Variants in LAMC1 observed in about 807,000 individuals in gnomAD.
LAMC1 encodes the protein laminin subunit gamma-1.
In LAMC1, 38 loss-of-function variants were observed where a neutral mutation model predicts 173.6. The observed-to-expected ratio is 0.22, with a 90% CI of 0.17 to 0.29. The LOEUF (loss-of-function observed/expected upper bound fraction) is 0.29. Ranked by LOEUF, LAMC1 falls within the 10% of genes least tolerant of loss-of-function variation. The probability of loss-of-function intolerance (pLI) is 1.00; values close to 1 mark genes in which losing one functional copy is unlikely to be tolerated. For missense variants in LAMC1, 1,824 were observed against 2,051.8 expected (o/e 0.89, Z 2.14); for synonymous variants, 746 against 749.1 (o/e 1.00, Z 0.07).
intron 1 of LAMC1, among the ~76,000 whole-genome samples, chr1:183,063,227 C>T (rs1048455973): frequency 1.3e-5 from 2 of 152,154 alleles, no homozygotes; most frequent in African/African-American, 4.8e-5. Flanking sequence ...TCTAAATGAA[C>T]ACTTTTCTGC....
intron 1 of LAMC1, among the ~76,000 whole-genome samples, chr1:183,031,848 A>G (rs1001683714): frequency 5.9e-5 from 9 of 152,160 alleles, no homozygotes; most frequent in African/African-American, 1.7e-4. Flanking sequence ...GTTGCTTGCT[A>G]TAAGACTTGT....
chr1:183,115,619 T>G lies in LAMC1; in HGVS notation c.1310T>G (p.Leu437Arg), dbSNP rs1157291929. 3.7e-6 allele frequency: 6 copies of G among 1,612,588 alleles called. No individual in the cohort carries two copies. The highest frequency in any genetic ancestry group is 5.1e-6 in the Non-Finnish European group (6 of 1,178,580). ...CGTTGCCAGCCTGGATTCCATTCTC[T>G]CACTGAAGCAGGATGCAGGTAAAAT... ...CDRCQPGFHS[L>R]TEAGCRPCSC... The change falls in exon 6 of 28, where the codon CTC (leucine) becomes CGC (arginine). Residue 437 changes from leucine to arginine, a missense_variant. Coordinates refer to ENST00000258341, the MANE Select transcript of LAMC1 (RefSeq NM_002293.4).
chr1:183,076,884 CTT>C (rs1035219005), intron 1 of LAMC1, among the ~76,000 whole-genome samples: 4 of 152,226 alleles, frequency 2.6e-5, no homozygotes, highest in African/African-American at 9.6e-5. Flanking sequence ...TGTGTCTCCC[CTT>C]ACCATCTAAT....
Position 183,036,619 on chromosome 1 carries a change from G to A in LAMC1, c.418+12485G>A, listed in dbSNP as rs1437565926. On this transcript the variant is annotated intron_variant, in intron 1 of 27. Transcript: ENST00000258341. Reference sequence around the variant, plus strand: ...GAGTTCACCATGTTGGCCAGGCTCCGACCTCAAGTGATCCGCCCGCCTCGG... The same window carrying A: ...GAGTTCACCATGTTGGCCAGGCTCCAACCTCAAGTGATCCGCCCGCCTCGG... Among the ~76,000 whole-genome samples, 2 of 151,090 alleles carry A rather than the reference G, an allele frequency of 1.3e-5. 1 individual carries two copies. Among genetic ancestry groups the A allele is most frequent in the Non-Finnish European group, 3.0e-5 (2 of 67,768 alleles).
chr1:183,079,242 T>G (rs1486818017), intron 1 of LAMC1, among the ~76,000 whole-genome samples: 46 of 50,410 alleles, frequency 9.1e-4, no homozygotes, highest in Non-Finnish European at 1.2e-3. Flanking sequence ...GTTTTTTTTT[T>G]TTTTTTTTTT....
chr1:183,086,381 G>A (rs760458148), intron 1 of LAMC1, among the ~76,000 whole-genome samples: 13 of 152,202 alleles, frequency 8.5e-5, no homozygotes, highest in Admixed American at 1.3e-4. Context: ...AATTTTCAAA[G>A]GTATTCAGAC....
chr1:183,078,820 G>A (rs1354059196), intron 1 of LAMC1, among the ~76,000 whole-genome samples: 1 of 152,084 alleles, frequency 6.6e-6, no homozygotes, highest in African/African-American at 2.4e-5. Flanking sequence ...AGACCAGCCT[G>A]ACCAACATGG....
intron 1 of LAMC1, among the ~76,000 whole-genome samples, chr1:183,068,335 A>G (rs528189589): frequency 6.6e-6 from 1 of 152,312 alleles, no homozygotes; most frequent in Admixed American, 6.5e-5. Flanking sequence ...TGCATAGGAT[A>G]TTACAGTCTA....
At chr1:183,103,778 C>CA in intron 2 of LAMC1, 146 bp downstream of exon 2, 4 of 577,116 alleles carry the variant, frequency 6.9e-6, no homozygotes, top group Non-Finnish European at 8.6e-6. Context: ...GAGCTTGATT[C>CA]TGCTCTCTGT....
At chr1:183,074,048 T>C (rs950079402) in intron 1 of LAMC1, among the ~76,000 whole-genome samples, 1 of 152,216 alleles carries the variant, frequency 6.6e-6, no homozygotes, top group African/African-American at 2.4e-5. Flanking sequence ...CTTATCTGAT[T>C]TGGTATCAAA....
chr1:183,126,080 T>A (rs1300362850), intron 15 of LAMC1, 40 bp from the exon 16 acceptor site: 1 of 1,585,488 alleles, frequency 6.3e-7, no homozygotes, highest in African/African-American at 1.4e-5. Flanking sequence ...GCTTAAAGTC[T>A]GTTTTTCTTG....
At chr1:183,029,060 C>G (rs1354727899) in intron 1 of LAMC1, among the ~76,000 whole-genome samples, 1 of 152,194 alleles carries the variant, frequency 6.6e-6, no homozygotes, top group Non-Finnish European at 1.5e-5. Flanking sequence ...TTGCCCACGT[C>G]TCTCCTGAAA....
intron 11 of LAMC1, among the ~76,000 whole-genome samples, 189 bp from the exon 12 acceptor site, chr1:183,121,534 A>G (rs1369490229): frequency 6.6e-6 from 1 of 152,226 alleles, no homozygotes; most frequent in Admixed American, 6.5e-5. Flanking sequence ...ATTGTTCTAA[A>G]TGCTGTTTTC....
intron 11 of LAMC1, 33 bp from the exon 12 acceptor site, chr1:183,121,690 G>C (rs763869189): frequency 6.4e-7 from 1 of 1,572,886 alleles, no homozygotes; most frequent in Non-Finnish European, 8.7e-7. Flanking sequence ...AAACAAGCCA[G>C]TTCAGTGATT....
intron 1 of LAMC1, among the ~76,000 whole-genome samples, chr1:183,069,198 C>G (rs1441391305): frequency 6.6e-6 from 1 of 152,136 alleles, no homozygotes; most frequent in Non-Finnish European, 1.5e-5. Context: ...ATTTATATGG[C>G]ATATAAGCAT....
At position 183,142,956 on chromosome 1, in the gene LAMC1, T is replaced by A; in HGVS notation, c.*166T>A. On this transcript the variant is annotated 3_prime_UTR_variant, in exon 28 of 28. Transcript: ENST00000258341. ...TCACAGAGTTTAAAGAGAAGCAAAT[T>A]AAACATCCTGAATCGGGAACAAAGG... is the stretch of plus-strand genomic sequence containing the variant. 1 of 671,216 alleles carries A rather than the reference T, an allele frequency of 1.5e-6. No homozygotes were observed. The highest frequency in any genetic ancestry group is 2.5e-6 in the Non-Finnish European group (1 of 407,834). The allele number at this position is 671,216 out of a possible 1,614,324, so 41.6% of individuals were successfully genotyped here.
At chr1:183,122,693 A>G (rs995645105) in intron 13 of LAMC1, among the ~76,000 whole-genome samples, 2 of 152,128 alleles carry the variant, frequency 1.3e-5, no homozygotes, top group Non-Finnish European at 2.9e-5. Flanking sequence ...GCACTACATC[A>G]AATGTCAGGC....
intron 1 of LAMC1, among the ~76,000 whole-genome samples, chr1:183,102,192 G>A (rs772862350): frequency 8.5e-5 from 13 of 152,294 alleles, no homozygotes; most frequent in Non-Finnish European, 1.6e-4. Flanking sequence ...TAGTGGGTAC[G>A]AGGAAGTGAA....
intron 1 of LAMC1, among the ~76,000 whole-genome samples, chr1:183,103,068 C>T (rs1039490490): frequency 6.6e-5 from 10 of 152,172 alleles, no homozygotes; most frequent in African/African-American, 2.2e-4. Context: ...TACTAACATA[C>T]GCCGCCAGTT....
Sources: allele counts gnomAD v4.1 joint callset (sites outside exome capture counted in the v4.1 genomes callset), GRCh38; gene constraint gnomAD v4.1.1; transcripts MANE v1.5; gene names NCBI Gene and HGNC (gene_info 2026-07-23, HGNC 2026-07-21).